TLE1: variants seen among roughly 807,000 people sequenced by gnomAD.
The protein encoded by TLE1 is transducin-like enhancer protein 1.
A neutral mutation model predicts 89.8 loss-of-function variants in TLE1; 21 were observed. The ratio of observed to expected loss-of-function variants is 0.23; its 90% confidence interval spans 0.17 to 0.34. The LOEUF is 0.34. Among genes scored for constraint, TLE1 ranks in the 10% least tolerant of loss-of-function variants. The pLI is 1.00. For synonymous variants in TLE1, 447 were observed against 407.6 expected (o/e 1.10, Z -1.16); for missense variants, 795 against 1,031.2 (o/e 0.77, Z 3.14).
chr9:81,653,876 A>C, intron 5 of TLE1, 98 bp downstream of exon 5: 1 of 1,131,306 alleles, frequency 8.8e-7, no homozygotes. Flanking sequence ...TGTTCTTCAC[A>C]CTTGTTCCTT....
intron 8 of TLE1, among the ~76,000 whole-genome samples, chr9:81,629,636 C>T (rs149172710): frequency 1.2e-4 from 18 of 152,272 alleles, no homozygotes; most frequent in African/African-American, 3.1e-4. Flanking sequence ...GTGCAAATAT[C>T]GAATAGTGTG....
At chr9:81,662,952 A>G (rs1831003585) in intron 4 of TLE1, among the ~76,000 whole-genome samples, 2 of 151,878 alleles carry the variant, frequency 1.3e-5, no homozygotes, top group South Asian at 4.2e-4. Flanking sequence ...GGCTTAAGCG[A>G]TTCTCATGCC....
rs1554707105 is a variant in TLE1, at chr9:81,685,737, G to GA, written c.190-18dup. The GA allele has an allele frequency of 1.2e-6, 2 of 1,612,514 alleles. No individual in the cohort carries two copies. The highest frequency in any genetic ancestry group is 1.7e-6 in the Non-Finnish European group (2 of 1,179,052). On this transcript the variant is annotated splice_polypyrimidine_tract_variant and intron_variant, in intron 3 of 19. Transcript: ENST00000376499. ...TTCATAATACTGTAAAGAGAAAAAA[G>GA]AATCAAGCATTTCATTAACTCATGT...
At chr9:81,586,169 C>G (rs1423563593) in intron 17 of TLE1, among the ~76,000 whole-genome samples, 3 of 152,100 alleles carry the variant, frequency 2.0e-5, no homozygotes, top group Non-Finnish European at 4.4e-5. Flanking sequence ...AGGCGCCCAC[C>G]ACCACGCCCG....
In TLE1 at chr9:81,654,007, A is replaced by T; in HGVS notation, c.264T>A (p.Ile88=). ...ACAGAAATGGGATGACTTGTGCACA[A>T]ATCGTATTCAATCTCTTGGCGATTT... The part of the protein sequence containing the change: ...QTEIAKRLNT[I]CAQVIPFLSQ... The change falls in exon 5 of 20, where the codon ATT becomes ATA. Residue 88 remains isoleucine, a synonymous_variant. Coordinates refer to ENST00000376499, the MANE Select transcript of TLE1 (RefSeq NM_005077.5). The T allele has an allele frequency of 6.2e-7, 1 of 1,614,026 alleles. No individual in the cohort carries two copies. The highest frequency in any genetic ancestry group is 1.1e-5 in the South Asian group (1 of 91,074).
chr9:81,676,246 C>T (rs1001395934), intron 4 of TLE1, among the ~76,000 whole-genome samples: 1 of 152,130 alleles, frequency 6.6e-6, no homozygotes, highest in Non-Finnish European at 1.5e-5. Flanking sequence ...TCAATGCCTA[C>T]TCTGGATAAC....
At chr9:81,667,955 A>C (rs535224573) in intron 4 of TLE1, among the ~76,000 whole-genome samples, 44 of 152,230 alleles carry the variant, frequency 2.9e-4, no homozygotes, top group Non-Finnish European at 5.3e-4. Flanking sequence ...CCTGAGGCCA[A>C]GAGTTCGAGA....
chr9:81,657,260 C>T (rs1370124324), intron 4 of TLE1, among the ~76,000 whole-genome samples: 2 of 152,078 alleles, frequency 1.3e-5, no homozygotes, highest in African/African-American at 4.8e-5. Flanking sequence ...TTCAACCTTG[C>T]TTAATATGAT....
intron 14 of TLE1, among the ~76,000 whole-genome samples, chr9:81,593,581 A>G (rs919514931): frequency 3.9e-5 from 6 of 152,180 alleles, no homozygotes; most frequent in Non-Finnish European, 7.3e-5. Context: ...AAAACACTTA[A>G]TGTACTTCCA....
intron 8 of TLE1, among the ~76,000 whole-genome samples, chr9:81,623,153 G>C (rs1388990813): frequency 6.6e-6 from 1 of 152,036 alleles, no homozygotes; most frequent in Non-Finnish European, 1.5e-5. Context: ...TCCCTCATTT[G>C]TTCCCAGAAA....
In TLE1 at chr9:81,634,130, C is replaced by T; in HGVS notation, c.544G>A (p.Asp182Asn). The T allele has an allele frequency of 6.2e-7, 1 of 1,609,040 alleles. No individual in the cohort carries two copies. The highest frequency in any genetic ancestry group is 8.5e-7 in the Non-Finnish European group (1 of 1,177,340). Residue 182 changes from aspartate (D) to asparagine (N), a missense_variant, in exon 7 of 20, where the codon GAC becomes AAC. This residue lies in a region of TLE1 where 468 missense variants were observed against 509.1 expected (regional missense o/e 0.92). Transcript: ENST00000376499. ...SGQSHLAIKD[D>N]KKHHDAEHHR... ...TGCTCTGCATCGTGGTGCTTCTTGT[C>T]ATCTTTTATTGCCAAGTGAGACTGC...
intron 14 of TLE1, among the ~76,000 whole-genome samples, chr9:81,608,387 G>A (rs961281040): frequency 1.3e-5 from 2 of 152,080 alleles, no homozygotes; most frequent in African/African-American, 2.4e-5. Flanking sequence ...GGTGACACAC[G>A]CCTGTAGTCT....
intron 7 of TLE1, 177 bp from the exon 8 acceptor site, chr9:81,633,541 G>GT: frequency 2.6e-6 from 2 of 779,858 alleles, no homozygotes; most frequent in Non-Finnish European, 4.0e-6. Context: ...GAAAATTACA[G>GT]TATTTTGTAA....
intron 4 of TLE1, among the ~76,000 whole-genome samples, chr9:81,657,664 C>A (rs1830300902): frequency 6.6e-6 from 1 of 152,052 alleles, no homozygotes; most frequent in South Asian, 2.1e-4. Flanking sequence ...ACAGTGGTCT[C>A]TCGGTATCTG....
intron 14 of TLE1, among the ~76,000 whole-genome samples, chr9:81,598,222 G>T (rs1011586831): frequency 1.2e-4 from 19 of 152,246 alleles, no homozygotes; most frequent in African/African-American, 4.6e-4. Context: ...CTTACTTCAT[G>T]TGACCTTAAA....
intron 4 of TLE1, among the ~76,000 whole-genome samples, chr9:81,665,145 A>G (rs1372088392): frequency 6.6e-6 from 1 of 152,142 alleles, no homozygotes; most frequent in Non-Finnish European, 1.5e-5. Flanking sequence ...CCTCTCACAC[A>G]TTTTTACAAA....
chr9:81,675,091 C>T (rs900774222), intron 4 of TLE1, among the ~76,000 whole-genome samples: 7 of 152,156 alleles, frequency 4.6e-5, no homozygotes, highest in African/African-American at 1.4e-4. Flanking sequence ...AAGGCCTGAT[C>T]CTCTATCAAG....
chr9:81,599,232 C>T (rs995057976), intron 14 of TLE1, among the ~76,000 whole-genome samples: 1 of 152,132 alleles, frequency 6.6e-6, no homozygotes, highest in East Asian at 1.9e-4. Context: ...ACAGGATAGG[C>T]TAAGTAACTC....
chr9:81,673,940 T>C (rs1832574614), intron 4 of TLE1, among the ~76,000 whole-genome samples: 1 of 152,162 alleles, frequency 6.6e-6, no homozygotes, highest in Non-Finnish European at 1.5e-5. Flanking sequence ...GGTCCATCCT[T>C]TATTCTCTCC....
Sources: allele counts gnomAD v4.1 joint callset (sites outside exome capture counted in the v4.1 genomes callset), GRCh38; gene constraint gnomAD v4.1.1; regional missense constraint gnomAD v4.1.1; transcripts MANE v1.5; gene names NCBI Gene and HGNC (gene_info 2026-07-23, HGNC 2026-07-21).